AKAP13: variants seen among roughly 807,000 people sequenced by gnomAD.
AKAP13 encodes A-kinase anchor protein 13.
AKAP13 carries 80 observed loss-of-function variants against 264.5 expected under a neutral mutation model. The observed-to-expected ratio is 0.30, with a 90% CI of 0.25 to 0.36. The LOEUF (loss-of-function observed/expected upper bound fraction) is 0.36, where lower values mean the gene tolerates loss of function less well. AKAP13 is among the 10% of genes least tolerant of loss of function. The pLI, the probability that AKAP13 is intolerant of heterozygous loss-of-function variation, is 1.00. For missense variants in AKAP13, 3,712 were observed against 3,435.2 expected, an observed-to-expected ratio of 1.08 and a Z score of -2.01; for synonymous variants, 1,380 against 1,250.2, an observed-to-expected ratio of 1.10 and a Z score of -2.19.
chr15:85,694,039 T>A (rs554494705), intron 17 of AKAP13, among the ~76,000 whole-genome samples: 1 of 152,362 alleles, frequency 6.6e-6, no homozygotes, highest in Non-Finnish European at 1.5e-5. Flanking sequence ...TTCTATGATC[T>A]CTAAACCACT....
chr15:85,421,379 A>G (rs2072513184), intron 1 of AKAP13, among the ~76,000 whole-genome samples: 1 of 152,154 alleles, frequency 6.6e-6, no homozygotes, highest in South Asian at 2.1e-4. Context: ...CTCTCTGGTT[A>G]TTTGCTGTAT....
chr15:85,446,351 T>C (rs980544044), intron 1 of AKAP13, among the ~76,000 whole-genome samples: 6 of 152,044 alleles, frequency 3.9e-5, no homozygotes, highest in African/African-American at 1.4e-4. Flanking sequence ...ATAGGATTTG[T>C]TGGGAGGCAA....
In AKAP13 at chr15:85,710,621, C is replaced by T; in HGVS notation, c.5575C>T (p.Pro1859Ser). ...TCAGGCACATGACACATCATCACTG[C>T]CCACGGTCATTATGAGAAACAAGCG... ...SLQAHDTSSL[P>S]TVIMRNKPSQ... The change falls in exon 19 of 37, where the codon CCC (proline) becomes TCC (serine). Residue 1859 changes from proline (P) to serine (S), a missense_variant. Pro to Ser is a moderately conservative substitution (Grantham distance 74). This residue lies in a region of AKAP13 where 2,759 missense variants were observed against 2,411.7 expected (regional missense o/e 1.14). Coordinates refer to ENST00000394518, the MANE Select transcript of AKAP13 (RefSeq NM_007200.5). 2.5e-6 allele frequency: 4 copies of T among 1,613,882 alleles called. No homozygotes were observed. Among genetic ancestry groups the T allele is most frequent in the Non-Finnish European group, 2.5e-6 (3 of 1,179,870 alleles).
At chr15:85,474,102 G>C (rs892811855) in intron 1 of AKAP13, among the ~76,000 whole-genome samples, 5 of 152,168 alleles carry the variant, frequency 3.3e-5, no homozygotes, top group African/African-American at 1.2e-4. Context: ...TGAAAAAAGT[G>C]TTCCCAACTG....
At chr15:85,715,974 C>G (rs1445221529) in intron 20 of AKAP13, 51 bp downstream of exon 20, 1 of 1,520,792 alleles carries the variant, frequency 6.6e-7, no homozygotes, top group Non-Finnish European at 8.8e-7. Flanking sequence ...GTGACCAGAG[C>G]ATAATAATCA....
At position 85,741,713 on chromosome 15, in the gene AKAP13, A is replaced by T. The variant is rs12148184; in HGVS notation, c.8058+218A>T. 1.1e-4 allele frequency among the ~76,000 whole-genome samples: 11 copies of T among 101,086 alleles called. No homozygotes were observed. The South Asian group carries it at 4.1e-3, about 37-fold the overall frequency. 66.3% of individuals were successfully genotyped at this position (101,086 alleles called of 152,430 possible). ...TGTCTCTCCTAAAAAAAAAAAAAAA[A>T]AAACAAACAAACAAACAAAAAAAAA... On this transcript the variant is annotated intron_variant, in intron 35 of 36. Transcript: ENST00000394518.
chr15:85,717,328 T>A lies in AKAP13; in HGVS notation c.5774T>A (p.Phe1925Tyr), dbSNP rs2087008768. 6.2e-7 allele frequency: 1 copy of A among 1,612,498 alleles called. No homozygotes were observed. The change falls in exon 21 of 37, where the codon TTC becomes TAC. Residue 1925 changes from phenylalanine to tyrosine, a missense_variant. By Grantham distance (22) the Phe-to-Tyr change is conservative (BLOSUM62 3). Around this residue, in one of 3 missense-constraint regions of AKAP13, gnomAD observed 2,759 missense variants for 2,411.7 expected, o/e 1.14. Coordinates refer to ENST00000394518, the MANE Select transcript of AKAP13 (RefSeq NM_007200.5). ...GAGAACATGTCAAACACCTGGAAAT[T>A]CCTGTCTCATTCAACAGACTCACTA... ...NDENMSNTWK[F>Y]LSHSTDSLNK...
At chr15:85,512,107 T>C (rs550908981) in intron 2 of AKAP13, among the ~76,000 whole-genome samples, 1 of 152,274 alleles carries the variant, frequency 6.6e-6, no homozygotes, top group South Asian at 2.1e-4. Context: ...TTGCCATTAA[T>C]ATTCGGCATA....
intron 1 of AKAP13, among the ~76,000 whole-genome samples, chr15:85,399,326 C>G (rs2071273895): frequency 6.7e-6 from 1 of 149,438 alleles, no homozygotes; most frequent in Non-Finnish European, 1.5e-5. Context: ...GAAACCCCGT[C>G]TCTACTAAAA....
intron 8 of AKAP13, among the ~76,000 whole-genome samples, chr15:85,613,891 A>G (rs1485767386): frequency 6.6e-6 from 1 of 151,744 alleles, no homozygotes; most frequent in Non-Finnish European, 1.5e-5. Context: ...TAAAATGATA[A>G]CTTTAAAACA....
intron 10 of AKAP13, among the ~76,000 whole-genome samples, chr15:85,653,489 A>G (rs1228635004): frequency 3.3e-5 from 5 of 152,212 alleles, no homozygotes; most frequent in African/African-American, 9.6e-5. Flanking sequence ...GGAAAAAGAA[A>G]GCCTTCTTAT....
chr15:85,585,595 A>T lies in AKAP13; in HGVS notation c.4040-107A>T, dbSNP rs1283086379. 1.1e-5 allele frequency: 17 copies of T among 1,484,350 alleles called. No individual in the cohort carries two copies. In the East Asian group the frequency reaches 3.9e-4, roughly 34 times the overall value. The allele number at this position is 1,484,350 out of a possible 1,614,324, so 91.9% of individuals were successfully genotyped here. A position where few individuals can be genotyped will look rare whatever the true frequency, so the allele number is the denominator to read the frequency against. ...AACAAAAGAATACTTTTCCATTTTAACGCAAAAGCAAAACAAAACACATGA... is the reference window on the plus strand; with the variant it reads ...AACAAAAGAATACTTTTCCATTTTATCGCAAAAGCAAAACAAAACACATGA... On this transcript the variant is annotated intron_variant, in intron 7 of 36. Coordinates refer to ENST00000394518, the MANE Select transcript of AKAP13 (RefSeq NM_007200.5).
At position 85,741,232 on chromosome 15, in the gene AKAP13, C is replaced by T. The variant is rs771986952; in HGVS notation, c.7795C>T (p.Arg2599Cys). 20 of 1,609,052 alleles carry T rather than the reference C, an allele frequency of 1.2e-5. No individual in the cohort carries two copies. Among genetic ancestry groups the T allele is most frequent in the South Asian group, 3.3e-5 (3 of 90,448 alleles). The change falls in exon 35 of 37, where the codon CGC becomes TGC. Residue 2599 changes from arginine to cysteine, a missense_variant. This residue lies in a region of AKAP13 where 611 missense variants were observed against 539.3 expected (regional missense o/e 1.13). Coordinates refer to ENST00000394518, the MANE Select transcript of AKAP13 (RefSeq NM_007200.5). ...KQQAQYLEEKRRREREWEARE... is the reference protein window; with the variant it reads ...KQQAQYLEEKCRREREWEARE... ...GCAGGCCCAGTACCTCGAGGAGAAG[C>T]GCAGGCGCGAGCGTGAGTGGGAAGC...
intron 8 of AKAP13, among the ~76,000 whole-genome samples, chr15:85,633,195 C>CTGT (rs2151454649): frequency 6.6e-6 from 1 of 152,216 alleles, no homozygotes; most frequent in East Asian, 1.9e-4. Context: ...GTTTTCTAAA[C>CTGT]TGTTGGCCCC....
At chr15:85,442,662 G>A (rs2073750500) in intron 1 of AKAP13, among the ~76,000 whole-genome samples, 3 of 150,284 alleles carry the variant, frequency 2.0e-5, no homozygotes, top group Admixed American at 2.0e-4. Context: ...GAAACGTTTG[G>A]AAATTACCAC....
chr15:85,442,504 TA>T (rs2073727260), intron 1 of AKAP13, among the ~76,000 whole-genome samples: 1 of 100,042 alleles, frequency 1.0e-5, no homozygotes, highest in African/African-American at 3.8e-5. Context: ...TATATTATAT[TA>T]TATATAATAT....
intron 14 of AKAP13, 44 bp downstream of exon 14, chr15:85,669,874 A>C (rs2083818499): frequency 7.2e-7 from 1 of 1,396,280 alleles, no homozygotes; most frequent in Non-Finnish European, 9.9e-7. Context: ...ATTAAATCTT[A>C]ACCACTCTTC....
At chr15:85,535,614 A>G (rs928957207) in intron 4 of AKAP13, 6 of 152,280 alleles carry the variant, frequency 3.9e-5, no homozygotes, top group Non-Finnish European at 7.4e-5. Context: ...GCTGCCTTTC[A>G]CAAATCAGTG....
chr15:85,579,088 G>A lies in AKAP13; in HGVS notation c.1020G>A (p.Gln340=), dbSNP rs1336442547. ...LSSSEETEST[Q]CCPGSPVAQT... is the part of the protein sequence containing the mutation. ...CTTCTGAAGAGACTGAGAGCACTCA[G>A]TGCTGCCCAGGGAGCCCTGTTGCAC... Residue 340 remains glutamine, a synonymous_variant, in exon 7 of 37, where the codon CAG becomes CAA. Coordinates refer to ENST00000394518, the MANE Select transcript of AKAP13 (RefSeq NM_007200.5). The A allele has an allele frequency of 1.2e-6, 2 of 1,614,072 alleles. No homozygotes were observed. The highest frequency in any genetic ancestry group is 1.1e-5 in the South Asian group (1 of 91,090).
Sources: gnomAD v4.1 joint callset for allele counts (sites outside exome capture counted in the v4.1 genomes callset) on GRCh38, gnomAD v4.1.1 for gene constraint, gnomAD v4.1.1 regional missense constraint, MANE v1.5 for transcripts, NCBI Gene and HGNC (gene_info 2026-07-23, HGNC 2026-07-21) for gene names.